Variants in OXCT1 observed in about 807,000 individuals in gnomAD.
OXCT1 encodes succinyl-CoA:3-ketoacid coenzyme A transferase 1, mitochondrial.
In OXCT1, 27 loss-of-function variants were observed where a neutral mutation model predicts 69.6. That is an observed-to-expected ratio of 0.39 (90% CI 0.29 to 0.54). OXCT1 has a LOEUF of 0.54. Among genes scored for constraint, OXCT1 ranks in the 20% least tolerant of loss-of-function variants. The pLI, the probability that OXCT1 is intolerant of heterozygous loss-of-function variation, is 0.72. For missense variants in OXCT1, 437 were observed against 650.2 expected, an observed-to-expected ratio of 0.67 and a Z score of 3.57; for synonymous variants, 202 against 217.8, an observed-to-expected ratio of 0.93 and a Z score of 0.64.
chr5:41,774,074 AGT>A lies in OXCT1; in HGVS notation c.1249-11876_1249-11875del, dbSNP rs779325062. 1.3e-4 allele frequency among the ~76,000 whole-genome samples: 20 copies of A among 152,346 alleles called. No individual in the cohort carries two copies. The East Asian group carries it at 3.1e-3, about 23-fold the overall frequency. On this transcript the variant is annotated intron_variant, in intron 13 of 16. Coordinates refer to ENST00000196371, the MANE Select transcript of OXCT1 (RefSeq NM_000436.4). ...CTCAGTCACATTCATCTGGAACTCA[AGT>A]GTGGCAAAATACTTGGTGGTGAGGT... is the stretch of plus-strand genomic sequence containing the variant.
At chr5:41,841,006 A>G (rs1748602911) in intron 6 of OXCT1, among the ~76,000 whole-genome samples, 1 of 152,208 alleles carries the variant, frequency 6.6e-6, no homozygotes, top group South Asian at 2.1e-4. Context: ...ACATTCATTG[A>G]TAATTTGTGA....
intron 16 of OXCT1, among the ~76,000 whole-genome samples, chr5:41,732,711 A>C (rs1023839085): frequency 6.6e-6 from 1 of 152,240 alleles, no homozygotes; most frequent in African/African-American, 2.4e-5. Context: ...TAAATTGATA[A>C]ATGAACAAAT....
intron 5 of OXCT1, 146 bp from the exon 6 acceptor site, chr5:41,842,927 A>G (rs1391420688): frequency 2.8e-6 from 2 of 723,136 alleles, no homozygotes; most frequent in Non-Finnish European, 5.1e-6. Context: ...CTTCAAAGAT[A>G]AGCAGTGTTA....
At chr5:41,822,567 G>A (rs978377931) in intron 7 of OXCT1, among the ~76,000 whole-genome samples, 19 of 151,956 alleles carry the variant, frequency 1.3e-4, no homozygotes, top group Non-Finnish European at 2.6e-4. Flanking sequence ...TCCAACTCCC[G>A]GGTTCAAGCG....
At chr5:41,761,990 G>A in intron 14 of OXCT1, 121 bp downstream of exon 14, 1 of 760,008 alleles carries the variant, frequency 1.3e-6, no homozygotes, top group Non-Finnish European at 2.5e-6. Flanking sequence ...AAATGTAAAT[G>A]CTATCACCTT....
chr5:41,773,412 G>GAA (rs1412077994), intron 13 of OXCT1, among the ~76,000 whole-genome samples: 1 of 113,330 alleles, frequency 8.8e-6, no homozygotes, highest in Non-Finnish European at 1.9e-5. Context: ...CTGTCTCTAC[G>GAA]AAAAAAAAAA....
rs549109371 is a variant in OXCT1, at chr5:41,768,926, AC to A, written c.1249-6727del. 5.9e-5 allele frequency among the ~76,000 whole-genome samples: 9 copies of A among 151,712 alleles called. No individual in the cohort carries two copies. In the South Asian group the frequency reaches 1.5e-3, roughly 25 times the overall value. On this transcript the variant is annotated intron_variant, in intron 13 of 16. Transcript: ENST00000196371. ...GACCCTCCCCTCTTCATTTCCTCAC[AC>A]CCCAGTTCCCATTTCCATGCCAGGA...
intron 7 of OXCT1, among the ~76,000 whole-genome samples, chr5:41,838,379 A>G (rs1305062716): frequency 6.6e-6 from 1 of 152,162 alleles, no homozygotes; most frequent in Non-Finnish European, 1.5e-5. Flanking sequence ...TATGTATACT[A>G]TATGTTTCTA....
chr5:41,762,291 C>A lies in OXCT1; in HGVS notation c.1249-91G>T, dbSNP rs1744389255. The A allele has an allele frequency of 1.0e-6, 1 of 979,050 alleles. No homozygotes were observed. Among genetic ancestry groups the A allele is most frequent in the Non-Finnish European group, 1.7e-6 (1 of 601,036 alleles). 60.6% of individuals were successfully genotyped at this position (979,050 alleles called of 1,614,324 possible). Reference sequence around the variant, plus strand: ...ACTTGCAAAAATAAGCTACTAGAATCATTAAAAACTCATTGTCCTTCATTG... The same window carrying A: ...ACTTGCAAAAATAAGCTACTAGAATAATTAAAAACTCATTGTCCTTCATTG... On this transcript the variant is annotated intron_variant, in intron 13 of 16. Coordinates refer to ENST00000196371, the MANE Select transcript of OXCT1 (RefSeq NM_000436.4). This position sits in a 1 kb window ranked among gnomAD's most constrained non-coding sequence, Gnocchi z 4.0.
chr5:41,789,288 CA>C (rs1745800274), intron 13 of OXCT1, among the ~76,000 whole-genome samples: 1 of 152,064 alleles, frequency 6.6e-6, no homozygotes, highest in Non-Finnish European at 1.5e-5. Flanking sequence ...GAAAAATTTA[CA>C]AAAATAGGCA....
intron 8 of OXCT1, among the ~76,000 whole-genome samples, chr5:41,806,996 A>T (rs1445591578): frequency 1.3e-5 from 2 of 152,092 alleles, no homozygotes; most frequent in Non-Finnish European, 2.9e-5. Context: ...TACAGCAGGG[A>T]TAAAACCACC....
At chr5:41,732,268 G>T (rs1375052413) in intron 16 of OXCT1, among the ~76,000 whole-genome samples, 1 of 152,202 alleles carries the variant, frequency 6.6e-6, no homozygotes, top group East Asian at 1.9e-4. Context: ...AAATCTTATC[G>T]GAAATTTCAT....
At chr5:41,794,483 T>C in intron 12 of OXCT1, 194 bp downstream of exon 12, 1 of 625,452 alleles carries the variant, frequency 1.6e-6, no homozygotes, top group Admixed American at 2.8e-5. Flanking sequence ...TGGGGGTTCT[T>C]TTCCTAACAG....
intron 15 of OXCT1, 69 bp from the exon 16 acceptor site, chr5:41,739,560 G>A (rs1400019326): frequency 8.2e-7 from 1 of 1,217,794 alleles, no homozygotes; most frequent in Non-Finnish European, 1.2e-6. Context: ...GCACAAAACA[G>A]AAATAACCTC....
rs145357443 is a variant in OXCT1, at chr5:41,869,017, G to C, written c.78+1264C>G. ...GGAACGTTCCTGACCTCGGCCCAAG[G>C]GTATCGCTGTGCTCTGGTTTGTATT... is the stretch of plus-strand genomic sequence containing the variant. On this transcript the variant is annotated intron_variant, in intron 1 of 16. Coordinates refer to ENST00000196371, the MANE Select transcript of OXCT1 (RefSeq NM_000436.4). Among the ~76,000 whole-genome samples the C allele has an allele frequency of 2.0e-3, 311 of 152,272 alleles. 3 individuals are homozygous for C. Among genetic ancestry groups the C allele is most frequent in the African/African-American group, 7.4e-3 (307 of 41,556 alleles).
chr5:41,790,630 T>C (rs150393476), intron 13 of OXCT1, among the ~76,000 whole-genome samples: 1 of 152,154 alleles, frequency 6.6e-6, no homozygotes, highest in Non-Finnish European at 1.5e-5. Flanking sequence ...TACACAGCCA[T>C]TGAAAGATTA....
intron 13 of OXCT1, among the ~76,000 whole-genome samples, chr5:41,790,545 T>C (rs1745866874): frequency 6.6e-6 from 1 of 152,210 alleles, no homozygotes; most frequent in African/African-American, 2.4e-5. Flanking sequence ...TTGCTTGCCC[T>C]GAAGGCTTAA....
At chr5:41,854,434 G>C (rs1480052010) in intron 3 of OXCT1, among the ~76,000 whole-genome samples, 1 of 152,064 alleles carries the variant, frequency 6.6e-6, no homozygotes, top group Non-Finnish European at 1.5e-5. Context: ...AATGTAACAA[G>C]ATAGATAACT....
rs571448214 is a variant in OXCT1 at position 41,749,207 on chromosome 5, T to A, written c.1419+320A>T. Among the ~76,000 whole-genome samples, 3 of 152,206 alleles carry A rather than the reference T, an allele frequency of 2.0e-5. No individual in the cohort carries two copies. The East Asian group carries it at 5.8e-4, about 29-fold the overall frequency. ...TGATTTAGAAAAGGTAGAAATAATA[T>A]ATTCATAACTTTGCATATATCACCA... On this transcript the variant is annotated intron_variant, in intron 15 of 16. Transcript: ENST00000196371.
Sources: gnomAD v4.1 joint callset for allele counts (sites outside exome capture counted in the v4.1 genomes callset) on GRCh38, gnomAD v4.1.1 for gene constraint, Gnocchi (gnomAD v3.1) non-coding constraint, MANE v1.5 for transcripts, NCBI Gene and HGNC (gene_info 2026-07-23, HGNC 2026-07-21) for gene names.